The following CPEB3 variants were observed in gnomAD, a reference collection of about 807,000 sequenced individuals.
CPEB3 encodes the protein cytoplasmic polyadenylation element-binding protein 3.
Under a neutral mutation model 67.2 loss-of-function variants are expected in CPEB3, and 20 were observed. That is an observed-to-expected ratio of 0.30 (90% CI 0.21 to 0.43). The LOEUF (loss-of-function observed/expected upper bound fraction) is 0.43, where lower values mean the gene tolerates loss of function less well. CPEB3 is among the 20% of genes least tolerant of loss of function. The pLI, the probability that CPEB3 is intolerant of heterozygous loss-of-function variation, is 1.00. For synonymous variants in CPEB3, 376 were observed against 393.1 expected (o/e 0.96, Z 0.51); for missense variants, 746 against 968.6 (o/e 0.77, Z 3.05).
At chr10:92,132,683 G>GTA (rs1361246599) in intron 6 of CPEB3, among the ~76,000 whole-genome samples, 3 of 152,156 alleles carry the variant, frequency 2.0e-5, no homozygotes, top group African/African-American at 7.2e-5. Context: ...GACGTCTACA[G>GTA]AACTCTCCAC....
chr10:92,194,504 T>A lies in CPEB3; in HGVS notation c.1006-1868A>T, dbSNP rs186877856. On this transcript the variant is annotated intron_variant, in intron 2 of 9. Coordinates refer to ENST00000265997, the MANE Select transcript of CPEB3 (RefSeq NM_014912.5). The stretch of plus-strand genomic sequence containing the variant: ...AGATAATGGCAAAAAGGAAAAAAAA[T>A]TTTTAATGTGTCCAAAGTACGAAAA... Among the ~76,000 whole-genome samples, 751 of 152,060 alleles carry A rather than the reference T, an allele frequency of 4.9e-3. 6 individuals carry two copies. Among genetic ancestry groups the A allele is most frequent in the African/African-American group, 0.014 (571 of 41,472 alleles).
chr10:92,123,614 T>C (rs891100035), intron 6 of CPEB3, among the ~76,000 whole-genome samples: 1 of 152,196 alleles, frequency 6.6e-6, no homozygotes, highest in Non-Finnish European at 1.5e-5. Context: ...CCCCACTGCC[T>C]GTTACACTCC....
At chr10:92,132,014 T>C (rs1158473345) in intron 6 of CPEB3, among the ~76,000 whole-genome samples, 2 of 152,224 alleles carry the variant, frequency 1.3e-5, no homozygotes, top group African/African-American at 4.8e-5. Context: ...TTTAATCCAA[T>C]ATCTCCATAA....
chr10:92,274,834 T>C lies in CPEB3; in HGVS notation c.-12+16092A>G, dbSNP rs1023644179. ...AGGGAGACTCTATCTCAAAAAATAATAATAAAATAAAATAAATGTAGTTCC... is the reference window on the plus strand; with the variant it reads ...AGGGAGACTCTATCTCAAAAAATAACAATAAAATAAAATAAATGTAGTTCC... On this transcript the variant is annotated intron_variant, in intron 1 of 9. Transcript: ENST00000265997. Among the ~76,000 whole-genome samples, 38 of 152,058 alleles carry C rather than the reference T, an allele frequency of 2.5e-4. 1 individual carries two copies. The highest frequency in any genetic ancestry group is 8.8e-5 in the Non-Finnish European group (6 of 67,988).
At position 92,230,696 on chromosome 10, in the gene CPEB3, T is replaced by C. The variant is rs191106435; in HGVS notation, c.1005+8650A>G. On this transcript the variant is annotated intron_variant, in intron 2 of 9. Coordinates refer to ENST00000265997, the MANE Select transcript of CPEB3 (RefSeq NM_014912.5). Reference sequence around the variant, plus strand: ...AAAACTAAATGTAGCAGAACTGAAGTATAATAGGTGAAATGCAGCATTTGA... The same window carrying C: ...AAAACTAAATGTAGCAGAACTGAAGCATAATAGGTGAAATGCAGCATTTGA... Among the ~76,000 whole-genome samples, 20 of 152,212 alleles carry C rather than the reference T, an allele frequency of 1.3e-4. No homozygotes were observed. In the East Asian group the frequency reaches 3.7e-3, roughly 28 times the overall value.
chr10:92,275,980 C>T (rs1841963803), intron 1 of CPEB3, among the ~76,000 whole-genome samples: 1 of 151,572 alleles, frequency 6.6e-6, no homozygotes, highest in Admixed American at 6.6e-5. Flanking sequence ...TCCCAAGTAG[C>T]TGGGACTACT....
In CPEB3 at chr10:92,186,247, G is replaced by C. The variant is rs1848684045; in HGVS notation, c.1166-5228C>G. On this transcript the variant is annotated intron_variant, in intron 3 of 9. Transcript: ENST00000265997. ...ATACAAAAAAAAAAAAAAATTAGGT[G>C]GGTATGGTGGCATGCACCTACAGTT... Among the ~76,000 whole-genome samples, 4 of 151,020 alleles carry C rather than the reference G, an allele frequency of 2.6e-5. No individual in the cohort carries two copies. The Admixed American group carries it at 2.7e-4, about 10-fold the overall frequency.
At chr10:92,224,853 A>G (rs1850884324) in intron 2 of CPEB3, among the ~76,000 whole-genome samples, 1 of 148,500 alleles carries the variant, frequency 6.7e-6, no homozygotes, top group African/African-American at 2.4e-5. Context: ...GACTTCTTAA[A>G]AAAAACTATA....
intron 6 of CPEB3, among the ~76,000 whole-genome samples, chr10:92,123,523 T>A (rs1353378012): frequency 6.6e-6 from 1 of 152,204 alleles, no homozygotes; most frequent in African/African-American, 2.4e-5. Flanking sequence ...AAACTGAGGC[T>A]TAAAGGTTAA....
At chr10:92,272,161 G>A (rs891141463) in intron 1 of CPEB3, 1 of 152,124 alleles carries the variant, frequency 6.6e-6, no homozygotes, top group Non-Finnish European at 1.5e-5. Context: ...GACTAGTCAA[G>A]TGTGATAGTG....
intron 9 of CPEB3, among the ~76,000 whole-genome samples, chr10:92,058,199 G>A (rs529296423): frequency 2.6e-5 from 4 of 152,140 alleles, no homozygotes; most frequent in African/African-American, 9.6e-5. Flanking sequence ...AGAGACAAAG[G>A]TCACTATATA....
At chr10:92,193,219 A>T (rs12259277) in intron 2 of CPEB3, among the ~76,000 whole-genome samples, 2,032 of 152,276 alleles carry the variant, frequency 0.013, 48 homozygotes, top group African/African-American at 0.047. Context: ...CTCAAAAAAA[A>T]AAGAACAATG....
At chr10:92,089,524 C>T (rs1393686259) in intron 8 of CPEB3, among the ~76,000 whole-genome samples, 1 of 152,154 alleles carries the variant, frequency 6.6e-6, no homozygotes, top group Non-Finnish European at 1.5e-5. Flanking sequence ...CGGTGGCTCA[C>T]ACCTGTAATC....
chr10:92,123,706 T>C (rs1254378496), intron 6 of CPEB3, among the ~76,000 whole-genome samples: 2 of 152,224 alleles, frequency 1.3e-5, no homozygotes, highest in Non-Finnish European at 2.9e-5. Flanking sequence ...AGTCTGGCCT[T>C]GTGCATATAC....
At chr10:92,153,264 C>T (rs1238426923) in intron 4 of CPEB3, among the ~76,000 whole-genome samples, 2 of 152,182 alleles carry the variant, frequency 1.3e-5, no homozygotes, top group Non-Finnish European at 2.9e-5. Flanking sequence ...GACAGAAATA[C>T]TCAACTTTAA....
intron 9 of CPEB3, among the ~76,000 whole-genome samples, chr10:92,080,599 C>CT (rs112857749): frequency 0.03 from 4,251 of 143,828 alleles, 172 homozygotes; most frequent in African/African-American, 0.099. Flanking sequence ...TTGCAATTTT[C>CT]TTTTTTTTTT....
intron 5 of CPEB3, among the ~76,000 whole-genome samples, chr10:92,143,477 T>C (rs1846535404): frequency 6.6e-6 from 1 of 152,140 alleles, no homozygotes; most frequent in Non-Finnish European, 1.5e-5. Context: ...GAAAGTAAGG[T>C]ACAGAAAATA....
At chr10:92,195,064 C>T (rs912089213) in intron 2 of CPEB3, among the ~76,000 whole-genome samples, 1 of 151,156 alleles carries the variant, frequency 6.6e-6, no homozygotes, top group Non-Finnish European at 1.5e-5. Context: ...CACACACACA[C>T]ACACACACAC....
chr10:92,094,063 C>G (rs964749255), intron 7 of CPEB3, among the ~76,000 whole-genome samples: 2 of 151,950 alleles, frequency 1.3e-5, no homozygotes, highest in South Asian at 4.1e-4. Context: ...CCATGTTGGC[C>G]AGGGTGGTCT....
Sources: allele counts gnomAD v4.1 joint callset (sites outside exome capture counted in the v4.1 genomes callset), GRCh38; gene constraint gnomAD v4.1.1; transcripts MANE v1.5; gene names NCBI Gene and HGNC (gene_info 2026-07-23, HGNC 2026-07-21).